CNTNAP5: variants seen among roughly 807,000 people sequenced by gnomAD.
CNTNAP5 encodes contactin-associated protein-like 5.
CNTNAP5 carries 72 observed loss-of-function variants against 150.2 expected under a neutral mutation model. That is an observed-to-expected ratio of 0.48 (90% CI 0.40 to 0.58). The LOEUF (loss-of-function observed/expected upper bound fraction) is 0.58, where lower values mean the gene tolerates loss of function less well. CNTNAP5 is among the 20% of genes least tolerant of loss of function. CNTNAP5 has a pLI of 0.00. For synonymous variants in CNTNAP5, 672 were observed against 619.8 expected (o/e 1.08, Z -1.25); for missense variants, 1,636 against 1,626.2 (o/e 1.01, Z -0.10).
intron 11 of CNTNAP5, among the ~76,000 whole-genome samples, chr2:124,588,176 C>CTTT (rs1225533035): frequency 1.8e-3 from 185 of 103,948 alleles, no homozygotes; most frequent in African/African-American, 3.8e-3. Flanking sequence ...TTCCTTCCTT[C>CTTT]CTTCTTTCTT....
chr2:124,890,854 A>T (rs996071633), intron 21 of CNTNAP5, among the ~76,000 whole-genome samples: 1 of 152,084 alleles, frequency 6.6e-6, no homozygotes, highest in African/African-American at 2.4e-5. Flanking sequence ...GTGTATAGAG[A>T]CATACATGGG....
At chr2:124,598,783 A>C (rs1696899259) in intron 11 of CNTNAP5, among the ~76,000 whole-genome samples, 1 of 152,132 alleles carries the variant, frequency 6.6e-6, no homozygotes, top group Non-Finnish European at 1.5e-5. Flanking sequence ...CTGCTGTCCT[A>C]GCAATCAGCG....
intron 21 of CNTNAP5, among the ~76,000 whole-genome samples, chr2:124,890,530 A>T (rs1052859871): frequency 6.6e-6 from 1 of 152,064 alleles, no homozygotes; most frequent in East Asian, 1.9e-4. Flanking sequence ...CAAATAAACT[A>T]CTTGCACTCT....
intron 22 of CNTNAP5, among the ~76,000 whole-genome samples, chr2:124,908,858 A>G (rs1280690263): frequency 2.6e-5 from 4 of 152,166 alleles, no homozygotes; most frequent in African/African-American, 9.6e-5. Context: ...AAAAAATAAC[A>G]GTAAATAAAT....
At chr2:124,468,521 A>G (rs572720009) in intron 6 of CNTNAP5, among the ~76,000 whole-genome samples, 15 of 152,042 alleles carry the variant, frequency 9.9e-5, no homozygotes, top group Admixed American at 9.8e-4. Context: ...GATGGGGCCC[A>G]CCCACACTGT....
intron 3 of CNTNAP5, among the ~76,000 whole-genome samples, chr2:124,355,268 C>CT (rs1689967841): frequency 6.6e-6 from 1 of 151,998 alleles, no homozygotes; most frequent in Non-Finnish European, 1.5e-5. Context: ...TAAAAGTCTG[C>CT]TTTTTTCATT....
At chr2:124,787,640 GC>G (rs1681627470) in intron 17 of CNTNAP5, among the ~76,000 whole-genome samples, 1 of 150,800 alleles carries the variant, frequency 6.6e-6, no homozygotes. Flanking sequence ...ACTCTCCCCT[GC>G]CCCATGTCCC....
intron 19 of CNTNAP5, among the ~76,000 whole-genome samples, chr2:124,859,065 A>G (rs1677448413): frequency 1.3e-5 from 2 of 152,010 alleles, no homozygotes; most frequent in Non-Finnish European, 2.9e-5. Flanking sequence ...AATGGGATCT[A>G]ATTAAACTAA....
intron 3 of CNTNAP5, among the ~76,000 whole-genome samples, chr2:124,322,012 T>C (rs558552048): frequency 4.1e-4 from 62 of 151,798 alleles, no homozygotes; most frequent in Non-Finnish European, 8.0e-4. Flanking sequence ...TAGCAGAGCA[T>C]ATTGGCACCC....
At chr2:124,810,020 C>G (rs1682173523) in intron 19 of CNTNAP5, among the ~76,000 whole-genome samples, 1 of 152,158 alleles carries the variant, frequency 6.6e-6, no homozygotes, top group South Asian at 2.1e-4. Context: ...AAAAACACCA[C>G]AGTTCTAAGC....
At chr2:124,844,862 G>A (rs374074179) in intron 19 of CNTNAP5, among the ~76,000 whole-genome samples, 1 of 152,026 alleles carries the variant, frequency 6.6e-6, no homozygotes, top group African/African-American at 2.4e-5. Flanking sequence ...CCAATTATGG[G>A]AGCTTTTTGG....
intron 1 of CNTNAP5, among the ~76,000 whole-genome samples, chr2:124,109,349 C>T (rs939666154): frequency 6.6e-6 from 1 of 152,050 alleles, no homozygotes; most frequent in South Asian, 2.1e-4. Flanking sequence ...GTACTCGAGG[C>T]GAGGCCCAGG....
chr2:124,786,212 A>C (rs1408120385), intron 17 of CNTNAP5, among the ~76,000 whole-genome samples: 3 of 151,430 alleles, frequency 2.0e-5, no homozygotes, highest in Non-Finnish European at 4.4e-5. Flanking sequence ...GCAGTGCGCT[A>C]TGATCACACC....
At chr2:124,164,110 C>T (rs540630121) in intron 1 of CNTNAP5, among the ~76,000 whole-genome samples, 45 of 152,302 alleles carry the variant, frequency 3.0e-4, no homozygotes, top group Non-Finnish European at 5.9e-4. Context: ...AGAGAATGTA[C>T]ATGCACTTTT....
intron 19 of CNTNAP5, among the ~76,000 whole-genome samples, chr2:124,825,455 T>C (rs1443118214): frequency 6.6e-6 from 1 of 152,224 alleles, no homozygotes; most frequent in East Asian, 1.9e-4. Flanking sequence ...GACAAAGCTA[T>C]GAACAGCACC....
At chr2:124,224,497 T>G (rs1224056097) in intron 2 of CNTNAP5, among the ~76,000 whole-genome samples, 1 of 151,820 alleles carries the variant, frequency 6.6e-6, no homozygotes, top group African/African-American at 2.4e-5. Context: ...GTATATAATA[T>G]ATAGAGTAAA....
chr2:124,402,448 G>A (rs1464171823), intron 3 of CNTNAP5, among the ~76,000 whole-genome samples: 1 of 152,188 alleles, frequency 6.6e-6, no homozygotes, highest in Non-Finnish European at 1.5e-5. Flanking sequence ...GAGAACATGA[G>A]CACGTGATTG....
At chr2:124,749,928 T>G (rs1368708236) in intron 14 of CNTNAP5, among the ~76,000 whole-genome samples, 1 of 152,156 alleles carries the variant, frequency 6.6e-6, no homozygotes. Context: ...CTGTGTCTCC[T>G]TTCCTAAAAC....
At chr2:124,834,863 C>T (rs1362907153) in intron 19 of CNTNAP5, among the ~76,000 whole-genome samples, 1 of 151,278 alleles carries the variant, frequency 6.6e-6, no homozygotes, top group Non-Finnish European at 1.5e-5. Flanking sequence ...AATAACAAAT[C>T]ACCTTTAACC....
Sources: allele counts gnomAD v4.1 joint callset (sites outside exome capture counted in the v4.1 genomes callset), GRCh38; gene constraint gnomAD v4.1.1; transcripts MANE v1.5; gene names NCBI Gene and HGNC (gene_info 2026-07-23, HGNC 2026-07-21).